Variants in CNTNAP5 observed in about 807,000 individuals in gnomAD.
CNTNAP5 encodes contactin associated protein family member 5.
In CNTNAP5, 72 loss-of-function variants were observed where a neutral mutation model predicts 150.2. The observed-to-expected ratio is 0.48, with a 90% CI of 0.40 to 0.58. The LOEUF (loss-of-function observed/expected upper bound fraction) is 0.58, where lower values mean the gene tolerates loss of function less well. Among genes scored for constraint, CNTNAP5 ranks in the 20% least tolerant of loss-of-function variants. CNTNAP5 has a pLI of 0.00. For missense variants in CNTNAP5, 1,636 were observed against 1,626.2 expected (o/e 1.01, Z -0.10); for synonymous variants, 672 against 619.8 (o/e 1.08, Z -1.25).
At chr2:124,333,120 G>C (rs1391423152) in intron 3 of CNTNAP5, among the ~76,000 whole-genome samples, 1 of 151,880 alleles carries the variant, frequency 6.6e-6, no homozygotes, top group Non-Finnish European at 1.5e-5. Context: ...AGGATAATTG[G>C]AGCCTGGCGC....
At chr2:124,585,453 C>G (rs1002438271) in intron 11 of CNTNAP5, among the ~76,000 whole-genome samples, 2 of 152,190 alleles carry the variant, frequency 1.3e-5, no homozygotes, top group East Asian at 3.9e-4. Flanking sequence ...TGGATGGATC[C>G]AGGAACAGAG....
intron 13 of CNTNAP5, among the ~76,000 whole-genome samples, chr2:124,651,664 A>G: frequency 6.6e-6 from 1 of 152,244 alleles, no homozygotes; most frequent in East Asian, 1.9e-4. Context: ...GCCAAGAGTT[A>G]CAAGTAAATG....
intron 3 of CNTNAP5, among the ~76,000 whole-genome samples, chr2:124,340,773 C>T (rs1689591547): frequency 6.8e-6 from 1 of 146,330 alleles, no homozygotes; most frequent in Non-Finnish European, 1.5e-5. Context: ...AAACAAACAA[C>T]TATATATATA....
intron 13 of CNTNAP5, among the ~76,000 whole-genome samples, chr2:124,707,194 A>AGAAGAAGAAGAAGAAGAAGAAGAAGAG (rs1558743932): frequency 6.8e-6 from 1 of 146,542 alleles, no homozygotes; most frequent in African/African-American, 2.5e-5. Flanking sequence ...AAGAAGAAGA[A>AGAAGAAGAAGAAGAAGAAGAAGAAGAG]GAAGAAGAAG....
chr2:124,050,194 G>A (rs1681654758), intron 1 of CNTNAP5, among the ~76,000 whole-genome samples: 3 of 152,184 alleles, frequency 2.0e-5, no homozygotes, highest in Admixed American at 1.3e-4. Context: ...TGGGCATGGT[G>A]GCTTATGCCT....
chr2:124,291,006 C>G (rs1451919146), intron 3 of CNTNAP5, among the ~76,000 whole-genome samples: 1 of 151,940 alleles, frequency 6.6e-6, no homozygotes, highest in African/African-American at 2.4e-5. Flanking sequence ...CAGTGACAGT[C>G]ACAGAGTGAG....
At chr2:124,364,125 A>T (rs1029851420) in intron 3 of CNTNAP5, among the ~76,000 whole-genome samples, 11 of 152,176 alleles carry the variant, frequency 7.2e-5, no homozygotes, top group African/African-American at 2.7e-4. Context: ...CTACAAAGTT[A>T]TACAGGATGC....
chr2:124,218,088 A>T (rs1215292427), intron 1 of CNTNAP5, among the ~76,000 whole-genome samples: 4 of 152,192 alleles, frequency 2.6e-5, no homozygotes, highest in African/African-American at 9.6e-5. Context: ...CTTTGCTTTA[A>T]GAATCTGATA....
chr2:124,498,980 A>G (rs926238612), intron 7 of CNTNAP5, among the ~76,000 whole-genome samples: 2 of 152,138 alleles, frequency 1.3e-5, no homozygotes, highest in African/African-American at 4.8e-5. Context: ...AGCCTCTAGA[A>G]TTGACTTACC....
chr2:124,637,306 T>A (rs1558714792), intron 12 of CNTNAP5, among the ~76,000 whole-genome samples: 2 of 152,204 alleles, frequency 1.3e-5, no homozygotes, highest in Non-Finnish European at 2.9e-5. Context: ...TTGGTTTTCA[T>A]GACATTGATC....
intron 1 of CNTNAP5, among the ~76,000 whole-genome samples, chr2:124,071,102 A>C (rs1375013267): frequency 2.0e-5 from 3 of 152,054 alleles, no homozygotes; most frequent in African/African-American, 7.2e-5. Context: ...CAGAGGGTCA[A>C]TGAAGAAAAT....
intron 12 of CNTNAP5, among the ~76,000 whole-genome samples, chr2:124,611,982 G>T (rs72841386): frequency 0.021 from 3,206 of 152,278 alleles, 40 homozygotes; most frequent in Middle Eastern, 0.037. Context: ...ACTGGCTCAA[G>T]GTAAATTCTG....
intron 3 of CNTNAP5, among the ~76,000 whole-genome samples, chr2:124,354,231 C>T (rs181748637): frequency 6.6e-6 from 1 of 152,206 alleles, no homozygotes; most frequent in East Asian, 1.9e-4. Context: ...ACACAAATAA[C>T]ACTGCGGATG....
chr2:124,605,025 A>G (rs781569233), intron 11 of CNTNAP5, among the ~76,000 whole-genome samples: 26 of 152,120 alleles, frequency 1.7e-4, no homozygotes, highest in Non-Finnish European at 3.4e-4. Flanking sequence ...GCAATGGGGC[A>G]TCAGCAAACA....
chr2:124,894,574 G>T (rs1263393218), intron 21 of CNTNAP5, among the ~76,000 whole-genome samples: 1 of 146,240 alleles, frequency 6.8e-6, no homozygotes, highest in Non-Finnish European at 1.5e-5. Context: ...TTTTTTTTAA[G>T]ACAAAATCTT....
At chr2:124,300,974 G>A (rs1244595800) in intron 3 of CNTNAP5, among the ~76,000 whole-genome samples, 1 of 152,054 alleles carries the variant, frequency 6.6e-6, no homozygotes, top group Non-Finnish European at 1.5e-5. Context: ...AAATACTTCA[G>A]TACAAAATAC....
intron 3 of CNTNAP5, 151 bp downstream of exon 3, chr2:124,242,544 T>G: frequency 2.9e-6 from 2 of 701,498 alleles, no homozygotes; most frequent in Non-Finnish European, 4.6e-6. Context: ...TTAAGGCCCA[T>G]GCCCGGCATG....
chr2:124,471,947 C>CT (rs1048288467), intron 6 of CNTNAP5, among the ~76,000 whole-genome samples: 2 of 151,910 alleles, frequency 1.3e-5, no homozygotes, highest in African/African-American at 4.8e-5. Flanking sequence ...TTTTGTAATA[C>CT]TTTTACAAAA....
At chr2:124,376,053 G>A (rs1423485053) in intron 3 of CNTNAP5, among the ~76,000 whole-genome samples, 1 of 151,956 alleles carries the variant, frequency 6.6e-6, no homozygotes, top group South Asian at 2.1e-4. Context: ...ACTGAAACTG[G>A]GGAGAAGAAA....
Sources: allele counts gnomAD v4.1 joint callset (sites outside exome capture counted in the v4.1 genomes callset), GRCh38; gene constraint gnomAD v4.1.1; transcripts MANE v1.5; gene names NCBI Gene and HGNC (gene_info 2026-07-23, HGNC 2026-07-21).